Variants in DSCAML1 observed in about 807,000 individuals in gnomAD.
DSCAML1 encodes DS cell adhesion molecule like 1.
In DSCAML1, 38 loss-of-function variants were observed where a neutral mutation model predicts 200.5. That is an observed-to-expected ratio of 0.19 (90% CI 0.15 to 0.25). DSCAML1 has a LOEUF of 0.25. Ranked by LOEUF, DSCAML1 falls within the 10% of genes least tolerant of loss-of-function variation. The pLI, the probability that DSCAML1 is intolerant of heterozygous loss-of-function variation, is 1.00. For synonymous variants in DSCAML1, 1,215 were observed against 1,165.0 expected (o/e 1.04, Z -0.87); for missense variants, 2,223 against 2,858.8 (o/e 0.78, Z 5.07).
intron 17 of DSCAML1, among the ~76,000 whole-genome samples, chr11:117,462,418 C>T (rs1358828532): frequency 1.3e-5 from 2 of 152,172 alleles, no homozygotes; most frequent in Non-Finnish European, 2.9e-5. Context: ...CACCTCAGCT[C>T]GGGGGAGCTT....
At chr11:117,603,777 A>G (rs77259443) in intron 3 of DSCAML1, among the ~76,000 whole-genome samples, 1,855 of 152,342 alleles carry the variant, frequency 0.012, 13 homozygotes, top group Admixed American at 0.017. Context: ...AATTTTGGAT[A>G]AAAGCAGAAA....
rs549789689 is a variant in DSCAML1, at chr11:117,589,177, G to C, written c.512-56655C>G. On this transcript the variant is annotated intron_variant, in intron 3 of 32. Transcript: ENST00000651296. Reference sequence around the variant, plus strand: ...GCCTAAGAGGGGGCCTGTAAATAGAGAGAAGCAGATGACAGACATCACCAC... The same window carrying C: ...GCCTAAGAGGGGGCCTGTAAATAGACAGAAGCAGATGACAGACATCACCAC... Among the ~76,000 whole-genome samples the C allele has an allele frequency of 9.5e-5, 13 of 136,892 alleles. No homozygotes were observed. The South Asian group carries it at 1.2e-3, about 13-fold the overall frequency. 89.8% of individuals were successfully genotyped at this position (136,892 alleles called of 152,430 possible).
At chr11:117,550,420 CCCCAGTGTCTGGCCTGAAAG>C (rs11275836) in intron 3 of DSCAML1, among the ~76,000 whole-genome samples, 13,620 of 151,992 alleles carry the variant, frequency 0.09, 788 homozygotes, top group East Asian at 0.12. Context: ...ACCTCCCTGG[CCCCAGTGTCTGGCCTGAAAG>C]CCCAGTGTCT....
At chr11:117,598,310 T>C (rs1430773071) in intron 3 of DSCAML1, among the ~76,000 whole-genome samples, 2 of 152,232 alleles carry the variant, frequency 1.3e-5, no homozygotes, top group African/African-American at 4.8e-5. Context: ...TCATAGAACC[T>C]TGATGTTTTC....
At chr11:117,514,718 T>C (rs150051473) in intron 8 of DSCAML1, among the ~76,000 whole-genome samples, 2,664 of 152,062 alleles carry the variant, frequency 0.018, 97 homozygotes, top group East Asian at 0.11. Context: ...AAGTAGCTGG[T>C]ATTACAGGCA....
At position 117,439,941 on chromosome 11, in the gene DSCAML1, A is replaced by G. The variant is rs1294889799; in HGVS notation, c.3863-5T>C. On this transcript the variant is annotated splice_region_variant and splice_polypyrimidine_tract_variant and intron_variant, in intron 21 of 32. Transcript: ENST00000651296. ...AGGAGATGATCTTTGCTGGGGCTAC[A>G]GGGAGGAGAGGATGAGGGCCACTCC... 1.4e-5 allele frequency: 22 copies of G among 1,612,828 alleles called. No individual in the cohort carries two copies. Among genetic ancestry groups the G allele is most frequent in the Admixed American group, 3.3e-5 (2 of 59,994 alleles).
At chr11:117,710,643 A>C (rs1591428375) in intron 3 of DSCAML1, among the ~76,000 whole-genome samples, 1 of 152,334 alleles carries the variant, frequency 6.6e-6, no homozygotes, top group South Asian at 2.1e-4. Flanking sequence ...TAAAATTAGG[A>C]TAATTACAGT....
At chr11:117,577,530 CTT>C (rs2050966670) in intron 3 of DSCAML1, among the ~76,000 whole-genome samples, 1 of 48,702 alleles carries the variant, frequency 2.1e-5, no homozygotes, top group Non-Finnish European at 4.3e-5. Context: ...TCCTTCCTTC[CTT>C]CCTTTCCTTC....
intron 20 of DSCAML1, among the ~76,000 whole-genome samples, chr11:117,449,378 G>A (rs527980796): frequency 7.9e-5 from 12 of 152,266 alleles, no homozygotes; most frequent in Admixed American, 2.0e-4. Flanking sequence ...GTGGGGGGCC[G>A]CAGTCAGTGG....
chr11:117,781,551 T>C (rs2055263240), intron 1 of DSCAML1, among the ~76,000 whole-genome samples: 1 of 152,156 alleles, frequency 6.6e-6, no homozygotes, highest in East Asian at 1.9e-4. Flanking sequence ...CAGGAGACCT[T>C]GACAGCTGAT....
At chr11:117,722,760 C>A (rs2054061786) in intron 3 of DSCAML1, among the ~76,000 whole-genome samples, 1 of 152,164 alleles carries the variant, frequency 6.6e-6, no homozygotes, top group Admixed American at 6.5e-5. Context: ...CCTGTGGATT[C>A]AGGCTGAGGT....
At chr11:117,507,933 C>T (rs1392121129) in intron 8 of DSCAML1, among the ~76,000 whole-genome samples, 1 of 152,202 alleles carries the variant, frequency 6.6e-6, no homozygotes, top group Non-Finnish European at 1.5e-5. Flanking sequence ...AGATAGATTT[C>T]TCTGGAGCCC....
At chr11:117,783,209 C>T (rs756807600) in intron 1 of DSCAML1, among the ~76,000 whole-genome samples, 10 of 152,148 alleles carry the variant, frequency 6.6e-5, no homozygotes, top group Non-Finnish European at 1.0e-4. Context: ...GACATTGCTC[C>T]GGGGTCCTGG....
At chr11:117,487,979 C>A (rs923176421) in intron 11 of DSCAML1, among the ~76,000 whole-genome samples, 1 of 152,138 alleles carries the variant, frequency 6.6e-6, no homozygotes, top group Non-Finnish European at 1.5e-5. Context: ...TGGGGGTGCC[C>A]GGGTCTCAGG....
At position 117,604,355 on chromosome 11, in the gene DSCAML1, T is replaced by C. The variant is rs191484491; in HGVS notation, c.512-71833A>G. The stretch of plus-strand genomic sequence containing the variant: ...AGGGTGATCATGTTTTCTGAGATGA[T>C]TGCCATGAATTTGACCTCTTACTGC... On this transcript the variant is annotated intron_variant, in intron 3 of 32. Transcript: ENST00000651296. 8.7e-4 allele frequency among the ~76,000 whole-genome samples: 132 copies of C among 151,712 alleles called. 2 individuals are homozygous for C. The highest frequency in any genetic ancestry group is 3.1e-3 in the African/African-American group (130 of 41,308).
chr11:117,440,573 A>G (rs928697067), intron 21 of DSCAML1, among the ~76,000 whole-genome samples: 2 of 152,194 alleles, frequency 1.3e-5, no homozygotes, highest in South Asian at 2.1e-4. Flanking sequence ...TGGCAGGGCC[A>G]GGAGACTGGA....
chr11:117,748,979 C>T (rs543455454), intron 3 of DSCAML1, among the ~76,000 whole-genome samples: 6 of 152,306 alleles, frequency 3.9e-5, no homozygotes, highest in Middle Eastern at 3.4e-3. Context: ...GTTGGCTCTG[C>T]GGCCCCATGG....
Position 117,438,892 on chromosome 11 carries a change from G to A in DSCAML1, c.4236C>T (p.Ser1412=), listed in dbSNP as rs147890955. ...ATCCAGACCCCTCCTCACCTCGGAT[G>A]GAGCTGCCCCCATTGTCACCTGGAA... ...TWIPGDNGGS[S]IRGFVLQYSV... Residue 1412 remains serine (S), a synonymous_variant, in exon 24 of 33, where the codon TCC becomes TCT. Transcript: ENST00000651296. 6 of 1,588,214 alleles carry A rather than the reference G, an allele frequency of 3.8e-6. No homozygotes were observed. The highest frequency in any genetic ancestry group is 2.7e-5 in the African/African-American group (2 of 73,316).
At position 117,471,964 on chromosome 11, in the gene DSCAML1, T is replaced by C; in HGVS notation, c.2858A>G (p.His953Arg). Residue 953 changes from histidine to arginine, a missense_variant, in exon 15 of 33, where the codon CAC (histidine) becomes CGC (arginine). Physicochemically the swap from His to Arg is conservative, Grantham distance 29. Coordinates refer to ENST00000651296, the MANE Select transcript of DSCAML1 (RefSeq NM_020693.4). ...GCGGATGCTGTACACAGATGCCGGGTGCAAGTCCACAATGTTGGCCTGGTT... is the reference window on the plus strand; with the variant it reads ...GCGGATGCTGTACACAGATGCCGGGCGCAAGTCCACAATGTTGGCCTGGTT... ...TINQANIVDL[H>R]PASVYSIRMY... The C allele has an allele frequency of 1.2e-6, 2 of 1,614,104 alleles. No individual in the cohort carries two copies. The highest frequency in any genetic ancestry group is 2.2e-5 in the East Asian group (1 of 44,886).
Sources: allele counts gnomAD v4.1 joint callset (sites outside exome capture counted in the v4.1 genomes callset), GRCh38; gene constraint gnomAD v4.1.1; transcripts MANE v1.5; gene names NCBI Gene and HGNC (gene_info 2026-07-23, HGNC 2026-07-21).